The following WDR49 variants were observed in gnomAD, a reference collection of about 807,000 sequenced individuals.
WDR49 encodes WD repeat domain 49.
A neutral mutation model predicts 119.5 loss-of-function variants in WDR49; 107 were observed. The observed-to-expected ratio is 0.90, with a 90% CI of 0.77 to 1.05. The LOEUF is 1.05. WDR49 is among the 50% of genes least tolerant of loss of function. The pLI, the probability that WDR49 is intolerant of heterozygous loss-of-function variation, is 0.00. For missense variants in WDR49, 1,240 were observed against 1,220.5 expected (o/e 1.02, Z -0.24); for synonymous variants, 425 against 418.8 (o/e 1.01, Z -0.18).
intron 11 of WDR49, among the ~76,000 whole-genome samples, chr3:167,533,907 C>G (rs1752931894): frequency 6.6e-6 from 1 of 151,984 alleles, no homozygotes; most frequent in Non-Finnish European, 1.5e-5. Context: ...GAGAGAAATG[C>G]ACACCAAACT....
intron 18 of WDR49, among the ~76,000 whole-genome samples, chr3:167,483,606 A>G (rs893267637): frequency 1.3e-5 from 2 of 152,196 alleles, no homozygotes; most frequent in Admixed American, 6.5e-5. Context: ...AGAATATAAA[A>G]TTACAAATAT....
intron 15 of WDR49, among the ~76,000 whole-genome samples, chr3:167,527,250 A>G (rs1752669413): frequency 6.6e-6 from 1 of 152,126 alleles, no homozygotes; most frequent in African/African-American, 2.4e-5. Context: ...TAAAATGGGA[A>G]TTGTGAGAGC....
intron 18 of WDR49, among the ~76,000 whole-genome samples, chr3:167,498,399 C>A (rs1386477029): frequency 6.6e-6 from 1 of 152,010 alleles, no homozygotes; most frequent in African/African-American, 2.4e-5. Context: ...AGGGTTGGAG[C>A]TTAAATACCC....
At position 167,626,975 on chromosome 3, in the gene WDR49, T is replaced by G; in HGVS notation, c.483A>C (p.Glu161Asp). 2 of 1,345,862 alleles carry G rather than the reference T, an allele frequency of 1.5e-6. No individual in the cohort carries two copies. The highest frequency in any genetic ancestry group is 1.9e-4 in the Middle Eastern group (1 of 5,258). 83.4% of individuals were successfully genotyped at this position (1,345,862 alleles called of 1,614,324 possible). The change falls in exon 3 of 19, where the codon GAA (glutamate) becomes GAC (aspartate). Residue 161 changes from glutamate to aspartate, a missense_variant. By Grantham distance (45) the Glu-to-Asp change is conservative. Transcript: ENST00000682715. ...GCTCTCCCCAGATTGCCAATAAACC[T>G]TCTTTACTAATTGTCAGATAATGAC... The part of the protein sequence containing the change: ...NSSHYLTISK[E>D]GLLAIWGEHL...
At chr3:167,485,560 T>C (rs914361637) in intron 18 of WDR49, among the ~76,000 whole-genome samples, 1 of 151,952 alleles carries the variant, frequency 6.6e-6, no homozygotes, top group African/African-American at 2.4e-5. Flanking sequence ...AATAGCTATT[T>C]TAAGAACCCA....
intron 15 of WDR49, among the ~76,000 whole-genome samples, chr3:167,526,537 T>A (rs558519827): frequency 4.8e-4 from 73 of 152,162 alleles, no homozygotes; most frequent in Non-Finnish European, 9.0e-4. Context: ...TGTCCCACCC[T>A]GTCTCACTCA....
At chr3:167,569,178 G>C (rs150409286) in intron 8 of WDR49, among the ~76,000 whole-genome samples, 1 of 151,990 alleles carries the variant, frequency 6.6e-6, no homozygotes, top group Non-Finnish European at 1.5e-5. Context: ...TCCTGACCTC[G>C]TGATCCGCCC....
At chr3:167,566,169 G>A (rs1416315817) in intron 8 of WDR49, among the ~76,000 whole-genome samples, 1 of 152,158 alleles carries the variant, frequency 6.6e-6, no homozygotes, top group Non-Finnish European at 1.5e-5. Context: ...GCTTTATGGA[G>A]AGCATTTGGC....
chr3:167,606,924 A>T (rs1156791443), intron 5 of WDR49, among the ~76,000 whole-genome samples: 1 of 152,212 alleles, frequency 6.6e-6, no homozygotes, highest in African/African-American at 2.4e-5. Context: ...CAGAATGAAG[A>T]TCCAAAGATA....
At chr3:167,500,424 G>T in intron 17 of WDR49, 125 bp from the exon 18 acceptor site, 1 of 1,158,898 alleles carries the variant, frequency 8.6e-7, no homozygotes, top group Non-Finnish European at 1.2e-6. Flanking sequence ...TTACTCAGCT[G>T]GTACAGCTGC....
intron 5 of WDR49, among the ~76,000 whole-genome samples, chr3:167,614,489 C>T (rs1254703966): frequency 1.3e-5 from 2 of 152,184 alleles, no homozygotes; most frequent in African/African-American, 4.8e-5. Context: ...GGAAAATTCT[C>T]TGAAATTCAA....
In WDR49 at chr3:167,527,366, CTAT is replaced by C. The variant is rs1448462988; in HGVS notation, c.2604+451_2604+453del. On this transcript the variant is annotated intron_variant, in intron 15 of 18. Coordinates refer to ENST00000682715, the MANE Select transcript of WDR49 (RefSeq NM_001366157.1). ...ACAAGAAAAACTCAGCAAATGTTAA[CTAT>C]TATTATTTGGCAGCAGTAAACCAGA... 3.9e-5 allele frequency among the ~76,000 whole-genome samples: 6 copies of C among 152,144 alleles called. No individual in the cohort carries two copies. The East Asian group carries it at 9.7e-4, about 25-fold the overall frequency.
intron 18 of WDR49, among the ~76,000 whole-genome samples, chr3:167,488,747 T>C (rs1204002174): frequency 6.6e-6 from 1 of 152,022 alleles, no homozygotes; most frequent in East Asian, 1.9e-4. Flanking sequence ...CTCTGAAGGC[T>C]TCCCTTTATA....
intron 7 of WDR49, among the ~76,000 whole-genome samples, chr3:167,598,937 A>G (rs1172045827): frequency 6.6e-6 from 1 of 152,178 alleles, no homozygotes. Context: ...AAACAAATAG[A>G]GTCTCTCTGT....
intron 5 of WDR49, among the ~76,000 whole-genome samples, chr3:167,617,309 T>C (rs1049132105): frequency 2.6e-5 from 4 of 152,166 alleles, no homozygotes; most frequent in African/African-American, 9.7e-5. Flanking sequence ...AGTGAATTAC[T>C]TGAGGTCAGG....
chr3:167,528,096 G>A (rs1051787488), intron 14 of WDR49, 79 bp from the exon 15 acceptor site: 10 of 1,263,532 alleles, frequency 7.9e-6, no homozygotes, highest in Non-Finnish European at 9.9e-6. Context: ...TTAAAAAAAG[G>A]CCGATTTTCA....
At chr3:167,559,399 C>G (rs1408582075) in intron 9 of WDR49, among the ~76,000 whole-genome samples, 5 of 152,152 alleles carry the variant, frequency 3.3e-5, no homozygotes, top group Non-Finnish European at 7.4e-5. Context: ...AGAAGATTCA[C>G]TGGTGGGCAT....
intron 2 of WDR49, among the ~76,000 whole-genome samples, chr3:167,630,465 TA>T (rs1414214968): frequency 3.3e-5 from 5 of 152,138 alleles, no homozygotes; most frequent in Non-Finnish European, 5.9e-5. Context: ...ATACCCACTT[TA>T]CTGCAGTGGT....
chr3:167,546,079 A>G (rs144649982), intron 10 of WDR49, among the ~76,000 whole-genome samples: 2 of 151,954 alleles, frequency 1.3e-5, no homozygotes, highest in Non-Finnish European at 2.9e-5. Flanking sequence ...GGAGGGAGAC[A>G]GTGAGGTGGC....
Sources: gnomAD v4.1 joint callset for allele counts (sites outside exome capture counted in the v4.1 genomes callset) on GRCh38, gnomAD v4.1.1 for gene constraint, MANE v1.5 for transcripts, NCBI Gene and HGNC (gene_info 2026-07-23, HGNC 2026-07-21) for gene names.